Variants in ADAMTSL1 observed in about 807,000 individuals in gnomAD.
ADAMTSL1 encodes the protein ADAMTS-like protein 1.
A neutral mutation model predicts 201.8 loss-of-function variants in ADAMTSL1; 126 were observed. The observed-to-expected ratio is 0.62, with a 90% CI of 0.54 to 0.72. The LOEUF (loss-of-function observed/expected upper bound fraction) is 0.72. ADAMTSL1 is among the 30% of genes least tolerant of loss of function. The pLI is 0.00. For missense variants in ADAMTSL1, 2,679 were observed against 2,277.8 expected (o/e 1.18, Z -3.59); for synonymous variants, 1,121 against 903.4 (o/e 1.24, Z -4.32).
chr9:18,168,705 A>C (rs1284452730), intron 2 of ADAMTSL1, among the ~76,000 whole-genome samples: 5 of 146,078 alleles, frequency 3.4e-5, no homozygotes, highest in Non-Finnish European at 7.6e-5. Flanking sequence ...CGCCACACTG[A>C]CTTCCACAAT....
chr9:18,889,893 T>C, intron 25 of ADAMTSL1, 145 bp downstream of exon 25: 1 of 780,100 alleles, frequency 1.3e-6, no homozygotes. Context: ...CACAGGCTTA[T>C]CAGGCCTCTC....
intron 1 of ADAMTSL1, among the ~76,000 whole-genome samples, chr9:18,072,119 C>A (rs1366663289): frequency 6.6e-6 from 1 of 152,076 alleles, no homozygotes; most frequent in East Asian, 1.9e-4. Context: ...CCGTGGGGAT[C>A]TTATTTTTGG....
intron 2 of ADAMTSL1, among the ~76,000 whole-genome samples, chr9:18,379,153 A>T (rs145670517): frequency 1.3e-5 from 2 of 152,234 alleles, no homozygotes; most frequent in African/African-American, 4.8e-5. Context: ...ATAGGAGGCC[A>T]TCGTTTTGGA....
intron 3 of ADAMTSL1, among the ~76,000 whole-genome samples, chr9:18,566,554 T>G (rs1197765211): frequency 1.3e-5 from 2 of 152,140 alleles, no homozygotes; most frequent in Non-Finnish European, 2.9e-5. Context: ...GGAGGTGATA[T>G]TTGAGCAAAG....
intron 1 of ADAMTSL1, among the ~76,000 whole-genome samples, chr9:18,495,612 G>C (rs572891359): frequency 6.6e-6 from 1 of 152,312 alleles, no homozygotes; most frequent in East Asian, 1.9e-4. Flanking sequence ...ACTGCCTGTA[G>C]TTACAGCTAC....
At chr9:18,480,245 G>T (rs1446068949) in intron 1 of ADAMTSL1, among the ~76,000 whole-genome samples, 1 of 152,170 alleles carries the variant, frequency 6.6e-6, no homozygotes, top group Non-Finnish European at 1.5e-5. Context: ...AACTGTATTT[G>T]CCAGCCTTCC....
At chr9:18,866,533 A>G (rs1158181442) in intron 23 of ADAMTSL1, among the ~76,000 whole-genome samples, 1 of 152,176 alleles carries the variant, frequency 6.6e-6, no homozygotes, top group Middle Eastern at 3.2e-3. Flanking sequence ...CTTTCCCTTT[A>G]CTGTTGAAAG....
intron 2 of ADAMTSL1, among the ~76,000 whole-genome samples, chr9:18,451,824 G>A (rs528619136): frequency 6.6e-6 from 1 of 152,318 alleles, no homozygotes; most frequent in African/African-American, 2.4e-5. Context: ...AAGACTGAAG[G>A]GCCCACATCT....
chr9:18,546,318 A>C (rs1000344352), intron 3 of ADAMTSL1, among the ~76,000 whole-genome samples: 3 of 152,106 alleles, frequency 2.0e-5, no homozygotes, highest in Middle Eastern at 3.4e-3. Flanking sequence ...TTTCATTATT[A>C]TTGGTTTTTT....
At chr9:18,866,323 C>T (rs1180307308) in intron 23 of ADAMTSL1, among the ~76,000 whole-genome samples, 1 of 152,058 alleles carries the variant, frequency 6.6e-6, no homozygotes, top group Non-Finnish European at 1.5e-5. Flanking sequence ...TGTGTACACA[C>T]AGAGACATGC....
chr9:18,057,795 T>C (rs1294833486), intron 1 of ADAMTSL1, among the ~76,000 whole-genome samples: 1 of 152,226 alleles, frequency 6.6e-6, no homozygotes, highest in Non-Finnish European at 1.5e-5. Context: ...CTAGCACTCG[T>C]CTGGCTAATT....
At chr9:18,761,497 A>G (rs142309706) in intron 16 of ADAMTSL1, among the ~76,000 whole-genome samples, 8 of 152,262 alleles carry the variant, frequency 5.3e-5, no homozygotes, top group African/African-American at 1.7e-4. Flanking sequence ...TATTTTGCTT[A>G]TTACATATAT....
At chr9:18,593,865 G>A (rs1462019742) in intron 4 of ADAMTSL1, among the ~76,000 whole-genome samples, 1 of 151,908 alleles carries the variant, frequency 6.6e-6, no homozygotes, top group Non-Finnish European at 1.5e-5. Context: ...ATGTGCTAAG[G>A]AAATTATGTG....
At chr9:18,749,154 T>A (rs1340029912) in intron 15 of ADAMTSL1, among the ~76,000 whole-genome samples, 1 of 152,186 alleles carries the variant, frequency 6.6e-6, no homozygotes, top group Non-Finnish European at 1.5e-5. Context: ...CCATGTAAGG[T>A]CACATTCTGA....
intron 1 of ADAMTSL1, among the ~76,000 whole-genome samples, chr9:18,041,068 A>G (rs2131634194): frequency 6.6e-6 from 1 of 152,340 alleles, no homozygotes; most frequent in South Asian, 2.1e-4. Flanking sequence ...AGTTAACCAC[A>G]TAAAAACCAA....
chr9:18,557,614 A>G (rs1299253742), intron 3 of ADAMTSL1, among the ~76,000 whole-genome samples: 2 of 152,018 alleles, frequency 1.3e-5, no homozygotes, highest in African/African-American at 4.8e-5. Flanking sequence ...AAAAGAAGTT[A>G]AGCCTGCAGA....
chr9:18,237,168 G>T (rs1830881255), intron 2 of ADAMTSL1, among the ~76,000 whole-genome samples: 1 of 152,178 alleles, frequency 6.6e-6, no homozygotes, highest in African/African-American at 2.4e-5. Flanking sequence ...AAGAGATCAT[G>T]TGTCAGAAGC....
At chr9:18,149,345 T>C (rs1826800687) in intron 1 of ADAMTSL1, among the ~76,000 whole-genome samples, 1 of 152,024 alleles carries the variant, frequency 6.6e-6, no homozygotes, top group Admixed American at 6.6e-5. Flanking sequence ...CCAATGTTGC[T>C]AAAGCATTAA....
chr9:18,889,165 A>G (rs184623613), intron 24 of ADAMTSL1, among the ~76,000 whole-genome samples: 1 of 152,354 alleles, frequency 6.6e-6, no homozygotes, highest in East Asian at 1.9e-4. Context: ...CTATATTTAT[A>G]TATCTTTGTA....
Sources: allele counts gnomAD v4.1 joint callset (sites outside exome capture counted in the v4.1 genomes callset), GRCh38; gene constraint gnomAD v4.1.1; transcripts MANE v1.5; gene names NCBI Gene and HGNC (gene_info 2026-07-23, HGNC 2026-07-21).